ZCCHC17: variants seen among roughly 807,000 people sequenced by gnomAD.
ZCCHC17 encodes zinc finger CCHC domain-containing protein 17.
Under a neutral mutation model 30.6 loss-of-function variants are expected in ZCCHC17, and 18 were observed. That is an observed-to-expected ratio of 0.59 (90% CI 0.41 to 0.87). The LOEUF is 0.87. Among genes scored for constraint, ZCCHC17 ranks in the 40% least tolerant of loss-of-function variants. The pLI, the probability that ZCCHC17 is intolerant of heterozygous loss-of-function variation, is 0.00. For synonymous variants in ZCCHC17, 88 were observed against 92.4 expected (o/e 0.95, Z 0.27); for missense variants, 263 against 284.2 (o/e 0.93, Z 0.54).
chr1:31,343,685 A>G (rs1410428136), intron 5 of ZCCHC17, among the ~76,000 whole-genome samples: 1 of 83,294 alleles, frequency 1.2e-5, no homozygotes, highest in East Asian at 3.5e-4. Context: ...AGTGTAGTAT[A>G]TAATTTTTTT....
chr1:31,307,124 C>T (rs1377448935), intron 1 of ZCCHC17, among the ~76,000 whole-genome samples: 4 of 151,912 alleles, frequency 2.6e-5, no homozygotes, highest in African/African-American at 9.7e-5. Context: ...GCGTGAGCCA[C>T]TGTGCCTGGC....
chr1:31,362,129 T>A (rs12756878), intron 7 of ZCCHC17, among the ~76,000 whole-genome samples: 1 of 152,116 alleles, frequency 6.6e-6, no homozygotes, highest in African/African-American at 2.4e-5. Flanking sequence ...TATTCTTATC[T>A]CCAGTTTACA....
At chr1:31,360,780 G>A (rs1348631797) in intron 7 of ZCCHC17, among the ~76,000 whole-genome samples, 5 of 152,126 alleles carry the variant, frequency 3.3e-5, no homozygotes, top group Admixed American at 6.5e-5. Flanking sequence ...TGGTTTTGCC[G>A]CTTTAGCCTT....
intron 4 of ZCCHC17, among the ~76,000 whole-genome samples, chr1:31,337,917 A>G (rs912216428): frequency 6.6e-6 from 1 of 152,206 alleles, no homozygotes; most frequent in Non-Finnish European, 1.5e-5. Context: ...AGAGCGAACC[A>G]GACAAAAATG....
chr1:31,334,496 ATTAT>A (rs1238947379), intron 3 of ZCCHC17, among the ~76,000 whole-genome samples: 6 of 151,914 alleles, frequency 3.9e-5, no homozygotes, highest in African/African-American at 1.5e-4. Flanking sequence ...ATTCAGAGTA[ATTAT>A]TTATGTTCAT....
At chr1:31,355,297 C>T (rs764359877) in intron 7 of ZCCHC17, among the ~76,000 whole-genome samples, 12 of 152,056 alleles carry the variant, frequency 7.9e-5, no homozygotes, top group African/African-American at 2.9e-4. Context: ...TTGATGCCCA[C>T]TATTTCTACC....
intron 5 of ZCCHC17, among the ~76,000 whole-genome samples, chr1:31,340,996 A>G (rs1045114029): frequency 1.1e-4 from 17 of 152,202 alleles, no homozygotes; most frequent in Admixed American, 9.8e-4. Context: ...AGTGGATGTT[A>G]TCTCCATTTT....
At chr1:31,355,199 A>AAAAAAG (rs1235746880) in intron 7 of ZCCHC17, among the ~76,000 whole-genome samples, 1 of 140,132 alleles carries the variant, frequency 7.1e-6, no homozygotes, top group Non-Finnish European at 1.6e-5. Context: ...AAAAAAAAAA[A>AAAAAAG]GTATCTTTGT....
In ZCCHC17 at chr1:31,364,016, A is replaced by G; in HGVS notation, c.565-16A>G. The G allele has an allele frequency of 6.2e-7, 1 of 1,606,570 alleles. No homozygotes were observed. The highest frequency in any genetic ancestry group is 2.2e-5 in the East Asian group (1 of 44,842). ...ATATACACATACAGTGTTGATTTTTAAAATTTTCTTTTCAGGAGAAGAAGA... is the reference window on the plus strand; with the variant it reads ...ATATACACATACAGTGTTGATTTTTGAAATTTTCTTTTCAGGAGAAGAAGA... On this transcript the variant is annotated splice_polypyrimidine_tract_variant and intron_variant, in intron 7 of 7. Transcript: ENST00000344147.
chr1:31,326,192 T>G (rs1046276417), intron 3 of ZCCHC17, among the ~76,000 whole-genome samples: 16 of 152,120 alleles, frequency 1.1e-4, no homozygotes, highest in Admixed American at 9.8e-4. Flanking sequence ...ATTCAACAGA[T>G]TAACAATGGT....
chr1:31,345,969 T>G (rs892713525), intron 5 of ZCCHC17, among the ~76,000 whole-genome samples: 2 of 152,006 alleles, frequency 1.3e-5, no homozygotes, highest in Admixed American at 1.3e-4. Context: ...TCAACATATA[T>G]ATTATATTTT....
rs147826730 is a variant in ZCCHC17, at chr1:31,316,902, G to T, written c.67-2207G>T. Reference sequence around the variant, plus strand: ...CCATCCGATGTCTCCATTAAAAAATGAGAATGAAAGTTTTTATCTATTTCC... The same window carrying T: ...CCATCCGATGTCTCCATTAAAAAATTAGAATGAAAGTTTTTATCTATTTCC... On this transcript the variant is annotated intron_variant, in intron 2 of 7. Transcript: ENST00000344147. Among the ~76,000 whole-genome samples the T allele has an allele frequency of 3.3e-3, 498 of 152,204 alleles. 2 individuals are homozygous for T. The highest frequency in any genetic ancestry group is 0.011 in the African/African-American group (466 of 41,530).
At chr1:31,299,522 C>T (rs189802528) in intron 1 of ZCCHC17, among the ~76,000 whole-genome samples, 50 of 152,268 alleles carry the variant, frequency 3.3e-4, no homozygotes, top group Non-Finnish European at 5.7e-4. Flanking sequence ...GAATTTGGAA[C>T]TGAGTTAAAT....
intron 7 of ZCCHC17, among the ~76,000 whole-genome samples, chr1:31,350,058 G>A (rs932142753): frequency 2.0e-5 from 3 of 152,116 alleles, no homozygotes; most frequent in African/African-American, 7.2e-5. Context: ...TACTATTTAT[G>A]GCAGAGCAAT....
At chr1:31,353,599 T>C (rs890248913) in intron 7 of ZCCHC17, among the ~76,000 whole-genome samples, 1 of 152,230 alleles carries the variant, frequency 6.6e-6, no homozygotes, top group African/African-American at 2.4e-5. Context: ...CTTATATTTT[T>C]CTAAGAGTTT....
intron 1 of ZCCHC17, among the ~76,000 whole-genome samples, chr1:31,298,295 T>G (rs1646217257): frequency 6.6e-6 from 1 of 152,104 alleles, no homozygotes; most frequent in Non-Finnish European, 1.5e-5. Flanking sequence ...CTTATGTAGT[T>G]GAATAGATGG....
At chr1:31,304,095 C>CTTCCCTATGTAACACAGTTG (rs1553168628) in intron 1 of ZCCHC17, among the ~76,000 whole-genome samples, 1 of 152,134 alleles carries the variant, frequency 6.6e-6, no homozygotes, top group Non-Finnish European at 1.5e-5. Flanking sequence ...TCCCCTGTTG[C>CTTCCCTATGTAACACAGTTG]TTCCCTATGT....
At chr1:31,324,138 G>T (rs10914355) in intron 3 of ZCCHC17, among the ~76,000 whole-genome samples, 1 of 152,150 alleles carries the variant, frequency 6.6e-6, no homozygotes, top group Non-Finnish European at 1.5e-5. Flanking sequence ...GAGAGGAAAA[G>T]AAAGTGCATC....
intron 7 of ZCCHC17, among the ~76,000 whole-genome samples, chr1:31,357,212 C>G (rs556710166): frequency 2.1e-4 from 32 of 152,260 alleles, no homozygotes; most frequent in African/African-American, 7.5e-4. Flanking sequence ...TGGCTCTGTC[C>G]TGCTGTCCAG....
Sources: gnomAD v4.1 joint callset for allele counts (sites outside exome capture counted in the v4.1 genomes callset) on GRCh38, gnomAD v4.1.1 for gene constraint, MANE v1.5 for transcripts, NCBI Gene and HGNC (gene_info 2026-07-23, HGNC 2026-07-21) for gene names.